PHLDB2: variants seen among roughly 807,000 people sequenced by gnomAD.
PHLDB2 encodes the protein pleckstrin homology like domain family B member 2.
A neutral mutation model predicts 123.6 loss-of-function variants in PHLDB2; 71 were observed. The observed-to-expected ratio is 0.57, with a 90% CI of 0.47 to 0.70. PHLDB2 has a LOEUF of 0.70. Ranked by LOEUF, PHLDB2 falls within the 30% of genes least tolerant of loss-of-function variation. The pLI, the probability that PHLDB2 is intolerant of heterozygous loss-of-function variation, is 0.00. For synonymous variants in PHLDB2, 547 were observed against 541.6 expected (o/e 1.01, Z -0.14); for missense variants, 1,446 against 1,519.5 (o/e 0.95, Z 0.80).
chr3:111,815,051 A>G (rs1480480861), intron 1 of PHLDB2, among the ~76,000 whole-genome samples: 1 of 152,158 alleles, frequency 6.6e-6, no homozygotes, highest in Admixed American at 6.5e-5. Flanking sequence ...GGGAGTTTCT[A>G]TGCACAAGCT....
At chr3:111,780,423 C>T (rs567650603) in intron 1 of PHLDB2, among the ~76,000 whole-genome samples, 10 of 140,914 alleles carry the variant, frequency 7.1e-5, no homozygotes, top group Admixed American at 4.2e-4. Flanking sequence ...AAGATTAGTT[C>T]GGCCCAACTT....
At chr3:111,853,939 C>CACTCAAATT (rs1310558931) in intron 2 of PHLDB2, among the ~76,000 whole-genome samples, 5 of 152,150 alleles carry the variant, frequency 3.3e-5, no homozygotes, top group African/African-American at 1.2e-4. Flanking sequence ...ATAAATAATG[C>CACTCAAATT]ACTCAAATTA....
At position 111,923,078 on chromosome 3, in the gene PHLDB2, C is replaced by T. The variant is rs1577093475; in HGVS notation, c.2001+2659C>T. On this transcript the variant is annotated intron_variant, in intron 5 of 17. Transcript: ENST00000431670. ...TAAGCTACTACCTTATCTCTCTTCTCTTCATCATAGCTAAACTTATTAAAC... is the reference window on the plus strand; with the variant it reads ...TAAGCTACTACCTTATCTCTCTTCTTTTCATCATAGCTAAACTTATTAAAC... Among the ~76,000 whole-genome samples, 5 of 152,280 alleles carry T rather than the reference C, an allele frequency of 3.3e-5. No individual in the cohort carries two copies. In the South Asian group the frequency reaches 1.0e-3, roughly 32 times the overall value.
rs1553726797 is a variant in PHLDB2, at chr3:111,780,399, A to AGAAGAAGAAGAAGAAGAAGAAGGAG, written c.-49+47708_-49+47709insGAAGAAGAAGGAGGAAGAAGAAGAA. 1.2e-4 allele frequency among the ~76,000 whole-genome samples: 9 copies of AGAAGAAGAAGAAGAAGAAGAAGGAG among 74,450 alleles called. 1 individual carries two copies. Among genetic ancestry groups the AGAAGAAGAAGAAGAAGAAGAAGGAG allele is most frequent in the South Asian group, 5.0e-4 (1 of 1,986 alleles). The allele number at this position is 74,450 out of a possible 152,430, so 48.8% of individuals were successfully genotyped here. On this transcript the variant is annotated intron_variant, in intron 1 of 17. Coordinates refer to the PHLDB2 transcript ENST00000393923. The stretch of plus-strand genomic sequence containing the variant: ...AAGAAGAAGAAGAAGAAGAAGAAGA[A>AGAAGAAGAAGAAGAAGAAGAAGGAG]GAAGAAGAAGAAAAAGATTAGTTCG...
At chr3:111,868,453 C>G (rs909732926) in intron 1 of PHLDB2, among the ~76,000 whole-genome samples, 8 of 151,708 alleles carry the variant, frequency 5.3e-5, no homozygotes, top group Non-Finnish European at 1.2e-4. Context: ...TTTTTTTTCC[C>G]CCTTGCCATT....
At chr3:111,960,354 A>G (rs1454780450) in intron 12 of PHLDB2, among the ~76,000 whole-genome samples, 1 of 152,226 alleles carries the variant, frequency 6.6e-6, no homozygotes, top group East Asian at 1.9e-4. Context: ...GCTAAATGCT[A>G]TATGGCTTTA....
intron 2 of PHLDB2, among the ~76,000 whole-genome samples, chr3:111,901,359 C>CAA (rs10710041): frequency 1.0e-4 from 11 of 109,678 alleles, no homozygotes; most frequent in African/African-American, 1.4e-4. Flanking sequence ...GACTCTGTCT[C>CAA]AAAAAAAAAA....
At chr3:111,825,708 A>C (rs1358445428) in intron 1 of PHLDB2, among the ~76,000 whole-genome samples, 1 of 152,226 alleles carries the variant, frequency 6.6e-6, no homozygotes, top group East Asian at 1.9e-4. Context: ...TTGGCCTCCC[A>C]AAGTGCTGGG....
At chr3:111,850,429 T>C (rs2064200306) in intron 2 of PHLDB2, among the ~76,000 whole-genome samples, 1 of 152,174 alleles carries the variant, frequency 6.6e-6, no homozygotes, top group Admixed American at 6.5e-5. Context: ...AAAATCTACT[T>C]GTACCTAAAA....
intron 1 of PHLDB2, among the ~76,000 whole-genome samples, chr3:111,830,688 AG>A (rs1212731979): frequency 6.9e-6 from 1 of 145,170 alleles, no homozygotes; most frequent in East Asian, 2.0e-4. Context: ...GGGCGCCTGT[AG>A]TCCCAGCTAC....
chr3:111,951,799 G>A (rs1489508109), intron 10 of PHLDB2, among the ~76,000 whole-genome samples: 1 of 151,884 alleles, frequency 6.6e-6, no homozygotes. Flanking sequence ...AACAGGTAGG[G>A]TTTGGTTACG....
At chr3:111,776,367 ATTCCCT>A (rs2108066933) in intron 1 of PHLDB2, among the ~76,000 whole-genome samples, 1 of 152,240 alleles carries the variant, frequency 6.6e-6, no homozygotes, top group South Asian at 2.1e-4. Flanking sequence ...AATATAAGAA[ATTCCCT>A]TTCTATTAAT....
chr3:111,809,258 A>G (rs1455519783), intron 1 of PHLDB2, among the ~76,000 whole-genome samples: 7 of 152,220 alleles, frequency 4.6e-5, no homozygotes, highest in African/African-American at 1.7e-4. Flanking sequence ...CACATAAACC[A>G]GATGTGCCAG....
At chr3:111,795,900 TTTTG>T (rs948524644) in intron 1 of PHLDB2, among the ~76,000 whole-genome samples, 7 of 152,012 alleles carry the variant, frequency 4.6e-5, no homozygotes, top group African/African-American at 1.4e-4. Context: ...CTAATTTTTG[TTTTG>T]TTTGTTTATT....
chr3:111,783,364 C>G (rs1168852234), intron 1 of PHLDB2, among the ~76,000 whole-genome samples: 1 of 151,938 alleles, frequency 6.6e-6, no homozygotes, highest in Non-Finnish European at 1.5e-5. Context: ...GAATTAAGCT[C>G]TATTTATCTT....
chr3:111,889,168 A>T (rs987234204), intron 2 of PHLDB2, among the ~76,000 whole-genome samples: 4 of 152,228 alleles, frequency 2.6e-5, no homozygotes, highest in African/African-American at 9.6e-5. Flanking sequence ...GTTCAGGTAA[A>T]CTAATCTCTT....
chr3:111,877,874 TG>T (rs1444574734), intron 1 of PHLDB2, among the ~76,000 whole-genome samples: 2 of 146,232 alleles, frequency 1.4e-5, no homozygotes, highest in African/African-American at 2.8e-5. Flanking sequence ...ATCAGATGGT[TG>T]TAGATGGGTG....
chr3:111,748,011 T>G (rs1270584063), intron 1 of PHLDB2, among the ~76,000 whole-genome samples: 4 of 152,196 alleles, frequency 2.6e-5, no homozygotes, highest in African/African-American at 7.2e-5. Context: ...GATATGTTGC[T>G]CAGGGTTCTT....
chr3:111,934,467 A>C (rs1379536742), intron 6 of PHLDB2, among the ~76,000 whole-genome samples: 3 of 152,230 alleles, frequency 2.0e-5, no homozygotes, highest in African/African-American at 7.2e-5. Flanking sequence ...TAGCTTCATT[A>C]GGTGGTAAGT....
Sources: gnomAD v4.1 joint callset for allele counts (sites outside exome capture counted in the v4.1 genomes callset) on GRCh38, gnomAD v4.1.1 for gene constraint, MANE v1.5 for transcripts, NCBI Gene and HGNC (gene_info 2026-07-23, HGNC 2026-07-21) for gene names.